Variants in C1GALT1 observed in about 807,000 individuals in gnomAD.
C1GALT1 encodes the protein core 1 synthase, glycoprotein-N-acetylgalactosamine 3-beta-galactosyltransferase 1, also known as glycoprotein-N-acetylgalactosamine 3-beta-galactosyltransferase 1.
A neutral mutation model predicts 31.0 loss-of-function variants in C1GALT1; 11 were observed. That is an observed-to-expected ratio of 0.36 (90% CI 0.22 to 0.59). The LOEUF (loss-of-function observed/expected upper bound fraction) is 0.59, where lower values mean the gene tolerates loss of function less well. C1GALT1 is among the 20% of genes least tolerant of loss of function. The pLI, the probability that C1GALT1 is intolerant of heterozygous loss-of-function variation, is 0.79. For missense variants in C1GALT1, 424 were observed against 425.2 expected, an observed-to-expected ratio of 1.00 and a Z score of 0.03; for synonymous variants, 175 against 143.6, an observed-to-expected ratio of 1.22 and a Z score of -1.56.
At chr7:7,240,538 T>A (rs551955422) in intron 3 of C1GALT1, among the ~76,000 whole-genome samples, 24 of 152,184 alleles carry the variant, frequency 1.6e-4, no homozygotes, top group South Asian at 8.3e-4. Context: ...ATATAAAAAA[T>A]TTACCCAAAT....
chr7:7,219,788 A>G (rs1325361057), intron 1 of C1GALT1, among the ~76,000 whole-genome samples: 1 of 152,094 alleles, frequency 6.6e-6, no homozygotes, highest in East Asian at 1.9e-4. Flanking sequence ...ACTTTTTTTA[A>G]GCACATAATT....
chr7:7,184,463 A>G (rs899410274), intron 1 of C1GALT1, among the ~76,000 whole-genome samples: 1 of 152,224 alleles, frequency 6.6e-6, no homozygotes, highest in South Asian at 2.1e-4. Flanking sequence ...AGTAAATTCA[A>G]TATCCAGTTA....
chr7:7,230,210 T>C (rs1210604117), intron 1 of C1GALT1, among the ~76,000 whole-genome samples: 1 of 152,222 alleles, frequency 6.6e-6, no homozygotes, highest in African/African-American at 2.4e-5. Context: ...ATATTAAGTA[T>C]GTACTTAATG....
At chr7:7,242,263 T>C (rs2128253090) in intron 3 of C1GALT1, among the ~76,000 whole-genome samples, 1 of 151,664 alleles carries the variant, frequency 6.6e-6, no homozygotes, top group South Asian at 2.1e-4. Flanking sequence ...GGCTTACATA[T>C]CTGTTGGACA....
rs60204792 is a variant in C1GALT1 at position 7,231,350 on chromosome 7, T to C, written c.-17-2953T>C. Reference sequence around the variant, plus strand: ...GTTTTGTAGATTTTTAATGTGAGGGTTGGTACTGTGTCAGTTTCGGAAAAT... The same window carrying C: ...GTTTTGTAGATTTTTAATGTGAGGGCTGGTACTGTGTCAGTTTCGGAAAAT... On this transcript the variant is annotated intron_variant, in intron 1 of 3. Coordinates refer to ENST00000436587, the MANE Select transcript of C1GALT1 (RefSeq NM_020156.5). Among the ~76,000 whole-genome samples, 873 of 152,260 alleles carry C rather than the reference T, an allele frequency of 5.7e-3. 9 individuals carry two copies. Among genetic ancestry groups the C allele is most frequent in the African/African-American group, 0.02 (831 of 41,536 alleles).
intron 1 of C1GALT1, among the ~76,000 whole-genome samples, chr7:7,222,039 C>T (rs1169848274): frequency 6.6e-6 from 1 of 152,202 alleles, no homozygotes; most frequent in Non-Finnish European, 1.5e-5. Flanking sequence ...CTTACCCTTG[C>T]TTAGCTTCCT....
At position 7,234,300 on chromosome 7, in the gene C1GALT1, C is replaced by G; in HGVS notation, c.-17-3C>G. 6.2e-7 allele frequency: 1 copy of G among 1,604,868 alleles called. No homozygotes were observed. Among genetic ancestry groups the G allele is most frequent in the Non-Finnish European group, 8.5e-7 (1 of 1,173,566 alleles). On this transcript the variant is annotated splice_region_variant and splice_polypyrimidine_tract_variant and intron_variant, in intron 1 of 3. Coordinates refer to ENST00000436587, the MANE Select transcript of C1GALT1 (RefSeq NM_020156.5). ...AACATCCTGCTAATTTTTGTTCTTA[C>G]AGAAATACACTTTCGGGAAATGGCC...
In C1GALT1 at chr7:7,218,237, G is replaced by A. The variant is rs541016232; in HGVS notation, c.-17-16066G>A. Among the ~76,000 whole-genome samples the A allele has an allele frequency of 3.9e-5, 6 of 152,280 alleles. No homozygotes were observed. In the South Asian group the frequency reaches 1.2e-3, roughly 32 times the overall value. On this transcript the variant is annotated intron_variant, in intron 1 of 3. Coordinates refer to ENST00000436587, the MANE Select transcript of C1GALT1 (RefSeq NM_020156.5). ...GTCAGTCATCTGTATAAAAGGCCAT[G>A]GAAGTCTTGGAGAAAGGCTCAGTGT...
intron 1 of C1GALT1, among the ~76,000 whole-genome samples, chr7:7,218,233 C>T (rs1782340609): frequency 6.6e-6 from 1 of 152,004 alleles, no homozygotes; most frequent in Admixed American, 6.6e-5. Flanking sequence ...GTATAAAAGG[C>T]CATGGAAGTC....
chr7:7,227,545 C>T (rs1313212986), intron 1 of C1GALT1, among the ~76,000 whole-genome samples: 2 of 151,876 alleles, frequency 1.3e-5, no homozygotes, highest in African/African-American at 4.8e-5. Flanking sequence ...ACGGTGAAAC[C>T]CCGTCTCTAC....
intron 1 of C1GALT1, among the ~76,000 whole-genome samples, chr7:7,195,450 G>C (rs967190435): frequency 6.6e-6 from 1 of 152,104 alleles, no homozygotes; most frequent in Non-Finnish European, 1.5e-5. Flanking sequence ...TTCAGGAGTA[G>C]GTTATTTAAT....
At chr7:7,220,753 C>T (rs541551849) in intron 1 of C1GALT1, among the ~76,000 whole-genome samples, 2 of 152,304 alleles carry the variant, frequency 1.3e-5, no homozygotes, top group East Asian at 3.9e-4. Flanking sequence ...ATCTCTTGAC[C>T]TTGTGATCTG....
intron 1 of C1GALT1, among the ~76,000 whole-genome samples, chr7:7,207,335 CTTTTTTTTTTTTTTTTTT>C (rs57510429): frequency 4.2e-5 from 2 of 47,974 alleles, no homozygotes; most frequent in African/African-American, 8.0e-5. Flanking sequence ...TACTCTGTTG[CTTTTTTTTTTTTTTTTTT>C]TTTTTTTTTT....
intron 1 of C1GALT1, among the ~76,000 whole-genome samples, chr7:7,227,547 C>CGTCT (rs1782825944): frequency 6.6e-6 from 1 of 151,482 alleles, no homozygotes; most frequent in Non-Finnish European, 1.5e-5. Flanking sequence ...GGTGAAACCC[C>CGTCT]GTCTCTACTA....
intron 3 of C1GALT1, 93 bp from the exon 4 acceptor site, chr7:7,243,431 C>A: frequency 2.9e-6 from 3 of 1,048,428 alleles, no homozygotes; most frequent in Non-Finnish European, 4.1e-6. Flanking sequence ...TGTTTGTATT[C>A]TTTTAAAATT....
chr7:7,165,588 C>T (rs1780384240), intron 2 of C1GALT1, among the ~76,000 whole-genome samples: 1 of 151,994 alleles, frequency 6.6e-6, no homozygotes, highest in Non-Finnish European at 1.5e-5. Flanking sequence ...TCAAAGCTTT[C>T]AAGACAGGAA....
At chr7:7,162,792 T>C (rs1239996189) in intron 2 of C1GALT1, among the ~76,000 whole-genome samples, 1 of 152,188 alleles carries the variant, frequency 6.6e-6, no homozygotes, top group African/African-American at 2.4e-5. Flanking sequence ...TTCCTGACTT[T>C]TTAATGATTG....
In C1GALT1 at chr7:7,239,441, G is replaced by A. The variant is rs554574512; in HGVS notation, c.888+519G>A. Among the ~76,000 whole-genome samples the A allele has an allele frequency of 1.8e-3, 278 of 152,226 alleles. 2 individuals carry two copies. The highest frequency in any genetic ancestry group is 6.4e-3 in the African/African-American group (264 of 41,540). On this transcript the variant is annotated intron_variant, in intron 3 of 3. Coordinates refer to ENST00000436587, the MANE Select transcript of C1GALT1 (RefSeq NM_020156.5). ...TGGGTAAAGAGCCTTCTAGTCATCA[G>A]GAGGATTTAATGGAGGTTCAGAAAG...
At chr7:7,185,135 A>G (rs1717604578) in intron 1 of C1GALT1, among the ~76,000 whole-genome samples, 1 of 152,202 alleles carries the variant, frequency 6.6e-6, no homozygotes, top group Non-Finnish European at 1.5e-5. Context: ...GATTTAGGGA[A>G]GCACATAAGA....
Sources: allele counts gnomAD v4.1 joint callset (sites outside exome capture counted in the v4.1 genomes callset), GRCh38; gene constraint gnomAD v4.1.1; transcripts MANE v1.5; gene names NCBI Gene and HGNC (gene_info 2026-07-23, HGNC 2026-07-21).